The following TNFRSF1B variants were observed in gnomAD, a reference collection of about 807,000 sequenced individuals.
TNFRSF1B encodes tumor necrosis factor receptor superfamily member 1B.
Under a neutral mutation model 44.6 loss-of-function variants are expected in TNFRSF1B, and 19 were observed. The observed-to-expected ratio is 0.43, with a 90% CI of 0.30 to 0.62. TNFRSF1B has a LOEUF of 0.62. Among genes scored for constraint, TNFRSF1B ranks in the 20% least tolerant of loss-of-function variants. The probability of loss-of-function intolerance (pLI) is 0.16; values close to 1 mark genes in which losing one functional copy is unlikely to be tolerated. For synonymous variants in TNFRSF1B, 252 were observed against 261.1 expected, an observed-to-expected ratio of 0.97 and a Z score of 0.34; for missense variants, 541 against 619.9, an observed-to-expected ratio of 0.87 and a Z score of 1.35.
At position 12,206,827 on chromosome 1, in the gene TNFRSF1B, C is replaced by T. The variant is rs1342549832; in HGVS notation, c.1193C>T (p.Ser398Phe). Reference sequence around the variant, plus strand: ...AGCTCTGACCACAGCTCACAGTGCTCCTCCCAAGCCAGCTCCACAATGGGA... The same window carrying T: ...AGCTCTGACCACAGCTCACAGTGCTTCTCCCAAGCCAGCTCCACAATGGGA... Reference protein sequence around the residue: ...CSSSDHSSQCSSQASSTMGDT... With the variant: ...CSSSDHSSQCFSQASSTMGDT... Residue 398 changes from serine (S) to phenylalanine (F), a missense_variant, in exon 10 of 10, where the codon TCC becomes TTC. Ser to Phe is a radical substitution (Grantham distance 155). Transcript: ENST00000376259. 3 of 1,614,188 alleles carry T rather than the reference C, an allele frequency of 1.9e-6. No individual in the cohort carries two copies. Among genetic ancestry groups the T allele is most frequent in the Non-Finnish European group, 2.5e-6 (3 of 1,180,018 alleles).
chr1:12,202,079 T>C lies in TNFRSF1B; in HGVS notation c.1013T>C (p.Leu338Ser), dbSNP rs1639405462. The C allele has an allele frequency of 6.3e-7, 1 of 1,594,914 alleles. No individual in the cohort carries two copies. The highest frequency in any genetic ancestry group is 1.3e-5 in the African/African-American group (1 of 74,550). The change falls in exon 9 of 10, where the codon TTG becomes TCG. Residue 338 changes from leucine to serine, a missense_variant. Coordinates refer to ENST00000376259, the MANE Select transcript of TNFRSF1B (RefSeq NM_001066.3). ...SSSLESSASA[L>S]DRRAPTRNQP... ...TCCCTGGAGAGCTCGGCCAGTGCGTTGGACAGAAGGGCGCCCACTCGGAAC... is the reference window on the plus strand; with the variant it reads ...TCCCTGGAGAGCTCGGCCAGTGCGTCGGACAGAAGGGCGCCCACTCGGAAC...
intron 1 of TNFRSF1B, among the ~76,000 whole-genome samples, chr1:12,179,407 T>A (rs1046270125): frequency 1.3e-5 from 2 of 152,188 alleles, no homozygotes; most frequent in African/African-American, 4.8e-5. Context: ...GAGACCCAAA[T>A]GCCTCTGCTG....
chr1:12,188,706 C>A, intron 1 of TNFRSF1B, 90 bp from the exon 2 acceptor site: 2 of 1,247,668 alleles, frequency 1.6e-6, no homozygotes, highest in Non-Finnish European at 1.2e-6. Flanking sequence ...GGGGGAGGGC[C>A]AAACATTTGC....
intron 9 of TNFRSF1B, among the ~76,000 whole-genome samples, chr1:12,206,239 G>T (rs1037383795): frequency 6.6e-6 from 1 of 151,950 alleles, no homozygotes; most frequent in African/African-American, 2.4e-5. Flanking sequence ...AATTAGCAGG[G>T]TGCGGTGGCC....
Position 12,192,890 on chromosome 1 carries a change from T to G in TNFRSF1B, c.579T>G (p.Asn193Lys). The G allele has an allele frequency of 1.9e-6, 3 of 1,614,074 alleles. No individual in the cohort carries two copies. The highest frequency in any genetic ancestry group is 3.3e-4 in the Middle Eastern group (2 of 6,062). ...QICNVVAIPG[N>K]ASMDAVCTST... ...GTAACGTGGTGGCCATCCCTGGGAA[T>G]GCAAGCATGGATGCAGTCTGCACGT... The change falls in exon 6 of 10, where the codon AAT (asparagine) becomes AAG (lysine). Residue 193 changes from asparagine (N) to lysine (K), a missense_variant. By Grantham distance (94) the Asn-to-Lys change is moderately conservative. Coordinates refer to ENST00000376259, the MANE Select transcript of TNFRSF1B (RefSeq NM_001066.3).
intron 6 of TNFRSF1B, 93 bp from the exon 7 acceptor site, chr1:12,193,862 C>T: frequency 1.1e-6 from 1 of 944,922 alleles, no homozygotes; most frequent in Non-Finnish European, 1.7e-6. Flanking sequence ...TTGCAATGAC[C>T]CGAAGCACCT....
chr1:12,208,019 GC>G lies in TNFRSF1B; in HGVS notation c.*1001del, dbSNP rs1639551124. On this transcript the variant is annotated 3_prime_UTR_variant, in exon 10 of 10. Transcript: ENST00000376259. The stretch of plus-strand genomic sequence containing the variant: ...GCAGGCCACCATATTCAGTGCTGTG[GC>G]CTGGGCAAGATAACGCACTTCTAAC... 1 of 152,150 alleles carries G rather than the reference GC, an allele frequency of 6.6e-6. No homozygotes were observed. Among genetic ancestry groups the G allele is most frequent in the African/African-American group, 2.4e-5 (1 of 41,420 alleles). The allele number at this position is 152,150 out of a possible 1,614,324, so 9.4% of individuals were successfully genotyped here. A position where few individuals can be genotyped will look rare whatever the true frequency, so the allele number is the denominator to read the frequency against.
chr1:12,193,835 C>T, intron 6 of TNFRSF1B, 120 bp from the exon 7 acceptor site: 1 of 731,352 alleles, frequency 1.4e-6, no homozygotes, highest in Non-Finnish European at 2.4e-6. Context: ...AATCTCCGGC[C>T]TAGACTCGCC....
At chr1:12,192,004 C>T (rs5746024) in intron 4 of TNFRSF1B, 81 bp downstream of exon 4, 5 of 1,525,124 alleles carry the variant, frequency 3.3e-6, no homozygotes, top group Admixed American at 3.8e-5. Flanking sequence ...CGGGCATCAA[C>T]CCATTAATTA....
Position 12,183,691 on chromosome 1 carries a change from TCTATCTATCTATCTATCTATTCTA to T in TNFRSF1B, c.79-5104_79-5081del, listed in dbSNP as rs1557628827. Among the ~76,000 whole-genome samples, 21 of 128,736 alleles carry T rather than the reference TCTATCTATCTATCTATCTATTCTA, an allele frequency of 1.6e-4. 1 individual carries two copies. The highest frequency in any genetic ancestry group is 4.1e-4 in the African/African-American group (15 of 36,510). 84.5% of individuals were successfully genotyped at this position (128,736 alleles called of 152,430 possible). ...ATCTATCTATCTATCTATCTATCTATCTATCTATCTATCTATCTATTCTATCTACCTATCTATCTATCTATCTAT... is the reference window on the plus strand; with the variant it reads ...ATCTATCTATCTATCTATCTATCTATTCTACCTATCTATCTATCTATCTAT... On this transcript the variant is annotated intron_variant, in intron 1 of 9. Coordinates refer to ENST00000376259, the MANE Select transcript of TNFRSF1B (RefSeq NM_001066.3).
At chr1:12,204,803 C>CA (rs769703006) in intron 9 of TNFRSF1B, among the ~76,000 whole-genome samples, 77 of 151,152 alleles carry the variant, frequency 5.1e-4, no homozygotes, top group Non-Finnish European at 3.1e-4. Context: ...CCACCACCAC[C>CA]ACCACCACCA....
chr1:12,183,754 TAGCTAGCTAGCTAG>T lies in TNFRSF1B; in HGVS notation c.79-5041_79-5028del, dbSNP rs1557629307. Among the ~76,000 whole-genome samples, 99 of 107,302 alleles carry T rather than the reference TAGCTAGCTAGCTAG, an allele frequency of 9.2e-4. 2 individuals carry two copies. The highest frequency in any genetic ancestry group is 2.6e-3 in the African/African-American group (85 of 33,010). The allele number at this position is 107,302 out of a possible 152,430, so 70.4% of individuals were successfully genotyped here. ...CTATCTATCTATCTATCTATCTAGC[TAGCTAGCTAGCTAG>T]CTATCTATTCTATCTACCTACCTAT... On this transcript the variant is annotated intron_variant, in intron 1 of 9. Coordinates refer to ENST00000376259, the MANE Select transcript of TNFRSF1B (RefSeq NM_001066.3).
rs1042284268 is a variant in TNFRSF1B at position 12,207,127 on chromosome 1, G to C, written c.*107G>C. 5.0e-5 allele frequency: 64 copies of C among 1,277,482 alleles called. No homozygotes were observed. Among genetic ancestry groups the C allele is most frequent in the Non-Finnish European group, 1.9e-5 (18 of 959,278 alleles). The allele number at this position is 1,277,482 out of a possible 1,614,324, so 79.1% of individuals were successfully genotyped here. A position where few individuals can be genotyped will look rare whatever the true frequency, so the allele number is the denominator to read the frequency against. On this transcript the variant is annotated 3_prime_UTR_variant, in exon 10 of 10. Coordinates refer to ENST00000376259, the MANE Select transcript of TNFRSF1B (RefSeq NM_001066.3). ...AGGCCCCCACCACTAGGACTCTGAG[G>C]CTCTTTCTGGGCCAAGTTCCTCTAG...
chr1:12,204,930 T>C (rs1570178651), intron 9 of TNFRSF1B, among the ~76,000 whole-genome samples: 1 of 152,010 alleles, frequency 6.6e-6, no homozygotes, highest in South Asian at 2.1e-4. Context: ...ATCTCAGTAC[T>C]TCAGGAGGCC....
At position 12,183,703 on chromosome 1, in the gene TNFRSF1B, T is replaced by C. The variant is rs1201135; in HGVS notation, c.79-5093T>C. On this transcript the variant is annotated intron_variant, in intron 1 of 9. Coordinates refer to ENST00000376259, the MANE Select transcript of TNFRSF1B (RefSeq NM_001066.3). ...ATCTATCTATCTATCTATCTATCTA[T>C]CTATCTATTCTATCTACCTATCTAT... Among the ~76,000 whole-genome samples, 118 of 117,046 alleles carry C rather than the reference T, an allele frequency of 1.0e-3. 1 individual carries two copies. The highest frequency in any genetic ancestry group is 3.2e-3 in the African/African-American group (107 of 33,300). The allele number at this position is 117,046 out of a possible 152,430, so 76.8% of individuals were successfully genotyped here.
intron 1 of TNFRSF1B, among the ~76,000 whole-genome samples, chr1:12,183,831 C>T (rs959186317): frequency 6.7e-6 from 1 of 148,770 alleles, no homozygotes; most frequent in Non-Finnish European, 1.5e-5. Flanking sequence ...ATCTACCTAT[C>T]TATCTATCTA....
rs1639572614 is a variant in TNFRSF1B at position 12,209,015 on chromosome 1, A to T, written c.*1995A>T. ...GCCCACATTGGACCCACATGAGGAC[A>T]TGATGGAGCGCACCTGCCCCCTGGT... On this transcript the variant is annotated 3_prime_UTR_variant, in exon 10 of 10. Transcript: ENST00000376259. The T allele has an allele frequency of 6.6e-6, 1 of 152,218 alleles. No individual in the cohort carries two copies. The highest frequency in any genetic ancestry group is 2.4e-5 in the African/African-American group (1 of 41,434). The allele number at this position is 152,218 out of a possible 1,614,324, so 9.4% of individuals were successfully genotyped here.
rs1053867261 is a variant in TNFRSF1B at position 12,207,363 on chromosome 1, G to A, written c.*343G>A. The A allele has an allele frequency of 4.3e-6, 1 of 232,160 alleles. No individual in the cohort carries two copies. Among genetic ancestry groups the A allele is most frequent in the Admixed American group, 5.7e-5 (1 of 17,544 alleles). 14.4% of individuals were successfully genotyped at this position (232,160 alleles called of 1,614,324 possible). ...GGCTTCTGGAGCCCTTGGGTTTTTT[G>A]TTTGTTTGTTTGTTTGTTTGTTTGT... On this transcript the variant is annotated 3_prime_UTR_variant, in exon 10 of 10. Transcript: ENST00000376259.
rs201949042 is a variant in TNFRSF1B at position 12,191,892 on chromosome 1, G to A, written c.426G>A (p.Lys142=). Residue 142 remains lysine, a synonymous_variant, in exon 4 of 10, where the codon AAG becomes AAA. Transcript: ENST00000376259. ...GCCGGCTGTGCGCGCCGCTGCGCAA[G>A]TGCCGCCCGGGCTTCGGCGTGGCCA... is the stretch of plus-strand genomic sequence containing the variant. The part of the protein sequence containing the change: ...EGCRLCAPLR[K]CRPGFGVARP... The A allele has an allele frequency of 3.7e-6, 6 of 1,609,806 alleles. No homozygotes were observed. Among genetic ancestry groups the A allele is most frequent in the South Asian group, 3.3e-5 (3 of 90,874 alleles).
Sources: allele counts gnomAD v4.1 joint callset (sites outside exome capture counted in the v4.1 genomes callset), GRCh38; gene constraint gnomAD v4.1.1; transcripts MANE v1.5; gene names NCBI Gene and HGNC (gene_info 2026-07-23, HGNC 2026-07-21).